Variants in CSMD1 observed in about 807,000 individuals in gnomAD.
The protein encoded by CSMD1 is CUB and Sushi multiple domains 1, also known as CUB and sushi domain-containing protein 1.
CSMD1 carries 213 observed loss-of-function variants against 417.5 expected under a neutral mutation model. The observed-to-expected ratio is 0.51, with a 90% CI of 0.46 to 0.57. CSMD1 has a LOEUF of 0.57. Ranked by LOEUF, CSMD1 falls within the 20% of genes least tolerant of loss-of-function variation. The pLI, the probability that CSMD1 is intolerant of heterozygous loss-of-function variation, is 0.00. For missense variants in CSMD1, 6,923 were observed against 4,529.7 expected (o/e 1.53, Z -15.17); for synonymous variants, 2,862 against 1,736.8 (o/e 1.65, Z -16.11).
chr8:3,082,125 AC>A lies in CSMD1; in HGVS notation c.7474+4971del, dbSNP rs143535834. ...TTTTCAATACCTGTTTTCATGCAAAACTTGTTTCTCACTGTATTTCTGGAAG... is the reference window on the plus strand; with the variant it reads ...TTTTCAATACCTGTTTTCATGCAAAATTGTTTCTCACTGTATTTCTGGAAG... On this transcript the variant is annotated intron_variant, in intron 49 of 69. Coordinates refer to ENST00000635120, the MANE Select transcript of CSMD1 (RefSeq NM_033225.6). Among the ~76,000 whole-genome samples the A allele has an allele frequency of 5.0e-3, 764 of 152,240 alleles. 9 individuals are homozygous for A. The highest frequency in any genetic ancestry group is 0.017 in the African/African-American group (725 of 41,546).
chr8:3,254,862 C>T (rs907512559), intron 26 of CSMD1, among the ~76,000 whole-genome samples: 1 of 152,178 alleles, frequency 6.6e-6, no homozygotes, highest in African/African-American at 2.4e-5. Context: ...AAGCCTTCTT[C>T]TCTCAACTTG....
intron 1 of CSMD1, among the ~76,000 whole-genome samples, chr8:4,766,341 G>A (rs1812463630): frequency 6.6e-6 from 1 of 152,196 alleles, no homozygotes; most frequent in Non-Finnish European, 1.5e-5. Flanking sequence ...GGGGCCTGGT[G>A]TAAGGTTGTT....
At chr8:3,836,450 A>G (rs1039308679) in intron 5 of CSMD1, among the ~76,000 whole-genome samples, 5 of 152,158 alleles carry the variant, frequency 3.3e-5, no homozygotes, top group African/African-American at 9.6e-5. Context: ...TTTCTGCATT[A>G]ATAGGGAAAC....
intron 54 of CSMD1, among the ~76,000 whole-genome samples, chr8:2,981,963 G>C (rs997804859): frequency 3.3e-5 from 5 of 152,170 alleles, no homozygotes; most frequent in African/African-American, 7.2e-5. Flanking sequence ...CTTAGCCCTC[G>C]ATAGGATTCT....
At chr8:3,943,869 G>C (rs181502410) in intron 5 of CSMD1, among the ~76,000 whole-genome samples, 6 of 152,214 alleles carry the variant, frequency 3.9e-5, no homozygotes, top group Admixed American at 3.3e-4. Context: ...TTAGGGAAAC[G>C]AAAGAGACAT....
intron 42 of CSMD1, among the ~76,000 whole-genome samples, chr8:3,114,050 T>A (rs1424820309): frequency 6.9e-6 from 1 of 144,184 alleles, no homozygotes; most frequent in Admixed American, 7.3e-5. Context: ...AGATCCCATC[T>A]ATTAAAACAA....
At chr8:4,879,302 T>C (rs1803250200) in intron 1 of CSMD1, among the ~76,000 whole-genome samples, 1 of 152,012 alleles carries the variant, frequency 6.6e-6, no homozygotes, top group South Asian at 2.1e-4. Context: ...TTATTGGCTA[T>C]ATTTAGCAGG....
In CSMD1 at chr8:4,212,863, C is replaced by T. The variant is rs200170806; in HGVS notation, c.416-180764G>A. On this transcript the variant is annotated intron_variant, in intron 3 of 69. Coordinates refer to ENST00000635120, the MANE Select transcript of CSMD1 (RefSeq NM_033225.6). ...CACCCTTCTAGTCCAGCTTTCCATC[C>T]TACAGGAAGATGAGGACAACAGTTT... Among the ~76,000 whole-genome samples the T allele has an allele frequency of 4.7e-5, 7 of 150,158 alleles. No individual in the cohort carries two copies. The East Asian group carries it at 1.2e-3, about 26-fold the overall frequency.
At chr8:4,581,540 T>C (rs2130698360) in intron 2 of CSMD1, among the ~76,000 whole-genome samples, 1 of 152,324 alleles carries the variant, frequency 6.6e-6, no homozygotes, top group South Asian at 2.1e-4. Context: ...ACATAACAGA[T>C]TCATTTTAGC....
At chr8:4,131,645 G>A (rs542222217) in intron 3 of CSMD1, among the ~76,000 whole-genome samples, 14 of 149,804 alleles carry the variant, frequency 9.3e-5, no homozygotes, top group African/African-American at 3.4e-4. Flanking sequence ...TAGTTCTCAA[G>A]TAAATAAAAC....
At chr8:4,289,369 T>C (rs1797234801) in intron 3 of CSMD1, among the ~76,000 whole-genome samples, 1 of 150,630 alleles carries the variant, frequency 6.6e-6, no homozygotes, top group African/African-American at 2.4e-5. Context: ...ATAGGTAAGA[T>C]AGATTAACAT....
intron 5 of CSMD1, among the ~76,000 whole-genome samples, chr8:3,901,328 C>T (rs970483220): frequency 6.6e-6 from 1 of 152,168 alleles, no homozygotes; most frequent in African/African-American, 2.4e-5. Flanking sequence ...CTAGCTTCAA[C>T]CCAATCTCCA....
chr8:4,920,948 A>G (rs867801427), intron 1 of CSMD1, among the ~76,000 whole-genome samples: 3 of 9,872 alleles, frequency 3.0e-4, no homozygotes, highest in Non-Finnish European at 5.6e-4. Context: ...GAAAGAAAGA[A>G]AGAAAGAAAG....
chr8:4,827,062 G>C (rs1361116055), intron 1 of CSMD1, among the ~76,000 whole-genome samples: 4 of 151,968 alleles, frequency 2.6e-5, no homozygotes, highest in Admixed American at 6.6e-5. Flanking sequence ...ACTAAGAACA[G>C]GGAAAAAAAT....
chr8:3,122,277 T>C (rs1477628791), intron 41 of CSMD1, among the ~76,000 whole-genome samples: 1 of 152,174 alleles, frequency 6.6e-6, no homozygotes, highest in Non-Finnish European at 1.5e-5. Flanking sequence ...TTTAAAAATA[T>C]GTAATTACAA....
chr8:4,971,945 A>T (rs1323776615), intron 1 of CSMD1, among the ~76,000 whole-genome samples: 1 of 152,080 alleles, frequency 6.6e-6, no homozygotes, highest in Non-Finnish European at 1.5e-5. Flanking sequence ...GGGAGCAAAC[A>T]TCATGCATTT....
intron 52 of CSMD1, among the ~76,000 whole-genome samples, chr8:3,010,109 C>T (rs972011872): frequency 1.3e-5 from 2 of 152,130 alleles, no homozygotes; most frequent in Admixed American, 6.5e-5. Flanking sequence ...AACTTCAGTC[C>T]AAATCCACCG....
intron 3 of CSMD1, among the ~76,000 whole-genome samples, chr8:4,224,656 G>A (rs940370803): frequency 1.3e-5 from 2 of 152,166 alleles, no homozygotes; most frequent in African/African-American, 2.4e-5. Context: ...GGAGATAAGT[G>A]GATAGAATTC....
At chr8:4,484,128 CA>C (rs1212715259) in intron 2 of CSMD1, among the ~76,000 whole-genome samples, 1 of 148,688 alleles carries the variant, frequency 6.7e-6, no homozygotes, top group East Asian at 2.0e-4. Flanking sequence ...GGTTCCACAA[CA>C]AAGGCTAGAA....
Sources: allele counts gnomAD v4.1 joint callset (sites outside exome capture counted in the v4.1 genomes callset), GRCh38; gene constraint gnomAD v4.1.1; transcripts MANE v1.5; gene names NCBI Gene and HGNC (gene_info 2026-07-23, HGNC 2026-07-21).